The following SLC12A6 variants were observed in gnomAD, a reference collection of about 807,000 sequenced individuals.
The protein encoded by SLC12A6 is K-Cl cotransporter 3.
SLC12A6 carries 66 observed loss-of-function variants against 135.3 expected under a neutral mutation model. The ratio of observed to expected loss-of-function variants is 0.49; its 90% CI spans 0.40 to 0.60. The LOEUF (loss-of-function observed/expected upper bound fraction) is 0.60. SLC12A6 is among the 20% of genes least tolerant of loss of function. SLC12A6 has a pLI of 0.00. For missense variants in SLC12A6, 1,058 were observed against 1,452.3 expected (o/e 0.73, Z 4.41); for synonymous variants, 513 against 508.8 (o/e 1.01, Z -0.11).
At position 34,256,238 on chromosome 15, in the gene SLC12A6, C is replaced by T. The variant is rs778155372; in HGVS notation, c.736G>A (p.Val246Met). The T allele has an allele frequency of 6.2e-7, 1 of 1,601,678 alleles. No homozygotes were observed. The highest frequency in any genetic ancestry group is 8.6e-7 in the Non-Finnish European group (1 of 1,168,666). ...ACCTTGACCTACTAACCTGGCACCA[C>T]TCCATTAGTGGCAATGGCACTCATG... ...ISMSAIATNG[V>M]VPAGGSYFMI... Residue 246 changes from valine (V) to methionine (M), a missense_variant, in exon 7 of 26, where the codon GTG becomes ATG. Physicochemically the swap from Val to Met is conservative, Grantham distance 21. This residue lies in a region of SLC12A6 where 139 missense variants were observed against 202.2 expected (regional missense o/e 0.69). Transcript: ENST00000354181.
chr15:34,308,908 A>C (rs1304695081), intron 2 of SLC12A6, among the ~76,000 whole-genome samples: 1 of 152,220 alleles, frequency 6.6e-6, no homozygotes, highest in Non-Finnish European at 1.5e-5. Flanking sequence ...TGTTTAAAGT[A>C]GAAACAGCGT....
At chr15:34,318,747 C>T in intron 2 of SLC12A6, 1 of 1,606,624 alleles carries the variant, frequency 6.2e-7, no homozygotes, top group Non-Finnish European at 8.5e-7. Context: ...TCCCTGCCTA[C>T]CTCTTCCTTG....
chr15:34,264,160 T>C (rs1893341456), intron 3 of SLC12A6, among the ~76,000 whole-genome samples: 1 of 152,102 alleles, frequency 6.6e-6, no homozygotes, highest in African/African-American at 2.4e-5. Context: ...ACTAATAAAA[T>C]AACAGATTTA....
chr15:34,314,124 T>C (rs1372344730), intron 2 of SLC12A6, among the ~76,000 whole-genome samples: 2 of 151,402 alleles, frequency 1.3e-5, no homozygotes, highest in Non-Finnish European at 2.9e-5. Context: ...CTCAGCTCAC[T>C]GCAACCTCCG....
intron 2 of SLC12A6, among the ~76,000 whole-genome samples, chr15:34,284,191 G>A (rs1894874272): frequency 6.6e-6 from 1 of 152,038 alleles, no homozygotes; most frequent in African/African-American, 2.4e-5. Flanking sequence ...CTGATGGAGG[G>A]AGGCAGGTTG....
At chr15:34,246,938 AT>A (rs1338888911) in intron 13 of SLC12A6, among the ~76,000 whole-genome samples, 10 of 152,352 alleles carry the variant, frequency 6.6e-5, no homozygotes, top group Admixed American at 1.3e-4. Flanking sequence ...GGCATGAGCC[AT>A]TGTGCCCAGC....
At chr15:34,259,340 CAA>C (rs1304563877) in intron 4 of SLC12A6, among the ~76,000 whole-genome samples, 10 of 111,316 alleles carry the variant, frequency 9.0e-5, no homozygotes, top group African/African-American at 1.3e-4. Flanking sequence ...GACTCCATCT[CAA>C]AAAAAAAAAA....
At chr15:34,250,403 G>A (rs148152076) in intron 12 of SLC12A6, 48 bp from the exon 13 acceptor site, 333 of 1,188,550 alleles carry the variant, frequency 2.8e-4, no homozygotes, top group Non-Finnish European at 2.1e-4. Flanking sequence ...TCTAACATGA[G>A]ATAGAAAGTA....
At chr15:34,294,892 T>A (rs1302527031) in intron 2 of SLC12A6, among the ~76,000 whole-genome samples, 1 of 152,180 alleles carries the variant, frequency 6.6e-6, no homozygotes, top group African/African-American at 2.4e-5. Context: ...ATAATCCACG[T>A]TAGCTTTTAT....
chr15:34,335,918 A>G (rs538540823), intron 2 of SLC12A6, among the ~76,000 whole-genome samples: 1 of 152,358 alleles, frequency 6.6e-6, no homozygotes, highest in South Asian at 2.1e-4. Flanking sequence ...CCATAAAAAT[A>G]CAGATTTCAA....
chr15:34,274,675 T>C (rs1894179769), intron 3 of SLC12A6, among the ~76,000 whole-genome samples: 1 of 152,016 alleles, frequency 6.6e-6, no homozygotes, highest in Non-Finnish European at 1.5e-5. Context: ...TAGCTGGGTG[T>C]GGTGGCGGGC....
At chr15:34,328,656 A>G (rs1304902890) in intron 2 of SLC12A6, among the ~76,000 whole-genome samples, 1 of 152,200 alleles carries the variant, frequency 6.6e-6, no homozygotes, top group Non-Finnish European at 1.5e-5. Flanking sequence ...AGATGGGCAG[A>G]TCGCTTGAGC....
At chr15:34,271,689 C>T (rs766125138) in intron 3 of SLC12A6, among the ~76,000 whole-genome samples, 2 of 151,986 alleles carry the variant, frequency 1.3e-5, no homozygotes, top group Non-Finnish European at 2.9e-5. Context: ...TTCACCCTCC[C>T]GTATATCTCC....
Position 34,235,995 on chromosome 15 carries a change from T to C in SLC12A6, c.3227+20A>G, listed in dbSNP as rs1458106342. On this transcript the variant is annotated intron_variant, in intron 24 of 25. Coordinates refer to ENST00000354181, the MANE Select transcript of SLC12A6 (RefSeq NM_001365088.1). ...CTGATTAGGTAATTTTATGATAAAC[T>C]TGGGAGTGGGAAAACTTACGGACGC... 1.3e-6 allele frequency: 2 copies of C among 1,598,208 alleles called. No homozygotes were observed. The highest frequency in any genetic ancestry group is 1.1e-5 in the South Asian group (1 of 90,744).
intron 2 of SLC12A6, among the ~76,000 whole-genome samples, chr15:34,294,289 G>T (rs183133275): frequency 2.0e-5 from 3 of 152,014 alleles, no homozygotes; most frequent in Non-Finnish European, 4.4e-5. Context: ...CTGGAGTGCA[G>T]TGGTGTGATC....
At position 34,330,955 on chromosome 15, in the gene SLC12A6, T is replaced by C. The variant is rs568738584; in HGVS notation, c.271+5455A>G. On this transcript the variant is annotated intron_variant, in intron 2 of 25. Coordinates refer to ENST00000354181, the MANE Select transcript of SLC12A6 (RefSeq NM_001365088.1). ...TACTGGGGAGGCTGAGGCAGAAGAA[T>C]CACTTGAACCCAGGAGGCGGAGGTT... 3.0e-3 allele frequency among the ~76,000 whole-genome samples: 454 copies of C among 152,054 alleles called. 1 individual carries two copies. The highest frequency in any genetic ancestry group is 0.011 in the African/African-American group (439 of 41,486).
At chr15:34,248,066 A>G (rs942676841) in intron 13 of SLC12A6, among the ~76,000 whole-genome samples, 1 of 152,204 alleles carries the variant, frequency 6.6e-6, no homozygotes, top group African/African-American at 2.4e-5. Flanking sequence ...GATACACAGT[A>G]CATACTTTTG....
At position 34,235,233 on chromosome 15, in the gene SLC12A6, C is replaced by G. The variant is rs1394941168; in HGVS notation, c.3309G>C (p.Leu1103=). The change falls in exon 25 of 26, where the codon CTG becomes CTC. Residue 1103 remains leucine (L), a synonymous_variant. Transcript: ENST00000354181. ...VIVNKSHEAK[L]VLLNMPGPPR... Reference sequence around the variant, plus strand: ...GTGGCCCTGGCATATTCAATAAAACCAGCTTTGCTTCATGGGACTTGTTAA... The same window carrying G: ...GTGGCCCTGGCATATTCAATAAAACGAGCTTTGCTTCATGGGACTTGTTAA... The G allele has an allele frequency of 6.2e-7, 1 of 1,613,842 alleles. No individual in the cohort carries two copies. The highest frequency in any genetic ancestry group is 1.1e-5 in the South Asian group (1 of 91,084).
chr15:34,240,356 C>A (rs947690806), intron 19 of SLC12A6, among the ~76,000 whole-genome samples: 1 of 152,090 alleles, frequency 6.6e-6, no homozygotes, highest in African/African-American at 2.4e-5. Flanking sequence ...CTCCATAGTT[C>A]AAGGGATCAA....
Sources: allele counts gnomAD v4.1 joint callset (sites outside exome capture counted in the v4.1 genomes callset), GRCh38; gene constraint gnomAD v4.1.1; regional missense constraint gnomAD v4.1.1; transcripts MANE v1.5; gene names NCBI Gene and HGNC (gene_info 2026-07-23, HGNC 2026-07-21).